Variants in EML6 observed in about 807,000 individuals in gnomAD.
The protein encoded by EML6 is echinoderm microtubule-associated protein-like 6.
In EML6, 154 loss-of-function variants were observed where a neutral mutation model predicts 240.1. The ratio of observed to expected loss-of-function variants is 0.64; its 90% confidence interval spans 0.56 to 0.73. EML6 has a LOEUF of 0.73. Ranked by LOEUF, EML6 falls within the 30% of genes least tolerant of loss-of-function variation. EML6 has a pLI of 0.00. For synonymous variants in EML6, 1,148 were observed against 899.0 expected (o/e 1.28, Z -4.95); for missense variants, 2,964 against 2,474.6 (o/e 1.20, Z -4.20).
intron 17 of EML6, among the ~76,000 whole-genome samples, chr2:54,887,678 T>C (rs572893412): frequency 8.5e-5 from 13 of 152,242 alleles, no homozygotes; most frequent in Non-Finnish European, 1.6e-4. Flanking sequence ...TCTATCCTAG[T>C]ATCTGAGGAA....
chr2:54,954,089 T>G lies in EML6; in HGVS notation c.4419T>G (p.Thr1473=). ...TGAATTACATCAACTTCAGTGCAAC[T>G]GGAAAGCTCCTGGTGTCGGTGGGAG... ...KGVNYINFSA[T]GKLLVSVGVD... The change falls in exon 32 of 42, where the codon ACT becomes ACG. Residue 1473 remains threonine, a synonymous_variant. Coordinates refer to ENST00000356458, the MANE Select transcript of EML6 (RefSeq NM_001039753.4). The G allele has an allele frequency of 6.4e-7, 1 of 1,551,728 alleles. No homozygotes were observed. The highest frequency in any genetic ancestry group is 8.7e-7 in the Non-Finnish European group (1 of 1,146,986).
At chr2:54,871,693 G>T in intron 16 of EML6, 88 bp downstream of exon 16, 1 of 928,444 alleles carries the variant, frequency 1.1e-6, no homozygotes. Flanking sequence ...GCGCACGCGT[G>T]TGTGTGTATT....
At chr2:54,916,223 C>G (rs1673901862) in intron 25 of EML6, among the ~76,000 whole-genome samples, 1 of 152,166 alleles carries the variant, frequency 6.6e-6, no homozygotes, top group Non-Finnish European at 1.5e-5. Context: ...AAATAATTGG[C>G]TAAATGATCA....
intron 13 of EML6, among the ~76,000 whole-genome samples, chr2:54,865,653 C>T (rs1670932716): frequency 1.3e-5 from 2 of 152,274 alleles, no homozygotes; most frequent in South Asian, 4.1e-4. Flanking sequence ...GAATGCTCAA[C>T]CAGTAAGTAT....
rs1558738183 is a variant in EML6, at chr2:54,970,119, T to C, written c.*24T>C. The C allele has an allele frequency of 5.8e-6, 9 of 1,551,514 alleles. No homozygotes were observed. Among genetic ancestry groups the C allele is most frequent in the Admixed American group, 3.9e-5 (2 of 51,002 alleles). Reference sequence around the variant, plus strand: ...AAAATGCCAGAAGCCTCTTATGTTATTGCTGCTGCTGCTACCAGCCAGCAA... The same window carrying C: ...AAAATGCCAGAAGCCTCTTATGTTACTGCTGCTGCTGCTACCAGCCAGCAA... On this transcript the variant is annotated 3_prime_UTR_variant, in exon 42 of 42. Transcript: ENST00000356458.
At chr2:54,762,098 G>A (rs1668005623) in intron 2 of EML6, among the ~76,000 whole-genome samples, 1 of 152,088 alleles carries the variant, frequency 6.6e-6, no homozygotes, top group South Asian at 2.1e-4. Flanking sequence ...CTCAGATAAT[G>A]TATTGCATTT....
intron 2 of EML6, among the ~76,000 whole-genome samples, chr2:54,788,631 A>G (rs1669223445): frequency 6.6e-6 from 1 of 152,226 alleles, no homozygotes; most frequent in South Asian, 2.1e-4. Flanking sequence ...GATTTCGCCA[A>G]AATAACTGGT....
chr2:54,958,036 GA>G, intron 33 of EML6, 38 bp downstream of exon 33: 1 of 1,514,476 alleles, frequency 6.6e-7, no homozygotes, highest in Non-Finnish European at 8.9e-7. Context: ...AGGGGACCCA[GA>G]CCCCCTGGGC....
intron 28 of EML6, among the ~76,000 whole-genome samples, chr2:54,944,946 A>T (rs925269047): frequency 6.6e-6 from 1 of 150,476 alleles, no homozygotes; most frequent in Non-Finnish European, 1.5e-5. Context: ...ATCCTAGAGC[A>T]GTGGTTGCTA....
At chr2:54,749,867 A>G (rs1199738158) in intron 2 of EML6, among the ~76,000 whole-genome samples, 1 of 152,198 alleles carries the variant, frequency 6.6e-6, no homozygotes, top group Admixed American at 6.5e-5. Flanking sequence ...AATCAGGGAT[A>G]TTTTTCAAAG....
chr2:54,942,224 G>C (rs1237498602), intron 28 of EML6, among the ~76,000 whole-genome samples: 2 of 152,130 alleles, frequency 1.3e-5, no homozygotes, highest in African/African-American at 4.8e-5. Flanking sequence ...CAGAAGTAAA[G>C]TGTTGGAAAA....
At chr2:54,789,764 G>C (rs34358075) in intron 2 of EML6, among the ~76,000 whole-genome samples, 1 of 152,306 alleles carries the variant, frequency 6.6e-6, no homozygotes, top group East Asian at 1.9e-4. Context: ...CTAAGGCTCA[G>C]ACATGGTCCT....
intron 2 of EML6, among the ~76,000 whole-genome samples, chr2:54,807,858 T>G (rs1242422551): frequency 1.3e-5 from 2 of 152,234 alleles, no homozygotes; most frequent in Non-Finnish European, 2.9e-5. Context: ...CTGGCTCCAA[T>G]CATGCCACTG....
At chr2:54,854,000 T>C in intron 11 of EML6, 145 bp downstream of exon 11, 1 of 502,332 alleles carries the variant, frequency 2.0e-6, no homozygotes, top group Non-Finnish European at 3.3e-6. Flanking sequence ...CAATTTTAAA[T>C]AGAATGTGTT....
chr2:54,853,774 G>A lies in EML6; in HGVS notation c.1576G>A (p.Ala526Thr), dbSNP rs1264360206. The A allele has an allele frequency of 4.5e-6, 7 of 1,551,630 alleles. No individual in the cohort carries two copies. The South Asian group carries it at 4.8e-5, about 11-fold the overall frequency. The part of the protein sequence containing the change: ...TEVTDINSVD[A>T]NYNSSVLVSG... ...GGTTACTGACATCAACTCAGTGGAT[G>A]CGAATTACAACAGCTCAGTGCTGGT... The change falls in exon 11 of 42, where the codon GCG becomes ACG. Residue 526 changes from alanine to threonine, a missense_variant. Coordinates refer to ENST00000356458, the MANE Select transcript of EML6 (RefSeq NM_001039753.4).
intron 28 of EML6, among the ~76,000 whole-genome samples, chr2:54,939,435 A>G (rs1014002421): frequency 6.6e-6 from 1 of 152,188 alleles, no homozygotes; most frequent in Non-Finnish European, 1.5e-5. Context: ...TTTCTCTGTC[A>G]TACTTGCTGT....
chr2:54,970,197 T>A lies in EML6; in HGVS notation c.*102T>A. On this transcript the variant is annotated 3_prime_UTR_variant, in exon 42 of 42. Transcript: ENST00000356458. Reference sequence around the variant, plus strand: ...TTGCCACCAGCCGTTGGGAAATGCCTACCATGCTGCCCCGGATGCACAAGC... The same window carrying A: ...TTGCCACCAGCCGTTGGGAAATGCCAACCATGCTGCCCCGGATGCACAAGC... The A allele has an allele frequency of 2.6e-6, 3 of 1,137,380 alleles. No homozygotes were observed. The highest frequency in any genetic ancestry group is 3.9e-6 in the Non-Finnish European group (3 of 771,582). 70.5% of individuals were successfully genotyped at this position (1,137,380 alleles called of 1,614,324 possible). A position where few individuals can be genotyped will look rare whatever the true frequency, so the allele number is the denominator to read the frequency against.
chr2:54,958,477 C>T (rs1453698061), intron 33 of EML6, among the ~76,000 whole-genome samples: 3 of 152,048 alleles, frequency 2.0e-5, no homozygotes, highest in South Asian at 4.1e-4. Context: ...CAGGTGTGAG[C>T]CACCTCGCCT....
intron 28 of EML6, among the ~76,000 whole-genome samples, chr2:54,930,476 C>T (rs1674793860): frequency 6.6e-6 from 1 of 151,950 alleles, no homozygotes; most frequent in African/African-American, 2.4e-5. Flanking sequence ...AGCTATACCC[C>T]ATCAGATAGG....
Sources: allele counts gnomAD v4.1 joint callset (sites outside exome capture counted in the v4.1 genomes callset), GRCh38; gene constraint gnomAD v4.1.1; transcripts MANE v1.5; gene names NCBI Gene and HGNC (gene_info 2026-07-23, HGNC 2026-07-21).